Variants in DRC11 observed in about 807,000 individuals in gnomAD.
DRC11 encodes dynein regulatory complex subunit 11.
At chr2:236,381,962 G>C in the DRC11 span, among the ~76,000 whole-genome samples, 1 of 152,036 alleles carries the variant, frequency 6.6e-6, no homozygotes, top group Non-Finnish European at 1.5e-5. This position sits in a 1 kb window ranked among gnomAD's most constrained non-coding sequence, Gnocchi z 5.8. Context: ...CTTTCACAGA[G>C]CAATCATCTT....
chr2:236,341,800 C>T, the DRC11 span, among the ~76,000 whole-genome samples: 1 of 152,208 alleles, frequency 6.6e-6, no homozygotes, highest in African/African-American at 2.4e-5. Context: ...TGAATCCCAG[C>T]ATGACCCGAG....
chr2:236,338,659 G>A, the DRC11 span, among the ~76,000 whole-genome samples: 1 of 152,190 alleles, frequency 6.6e-6, no homozygotes, highest in Admixed American at 6.5e-5. Context: ...GGAATGGGAA[G>A]TGGTGGCTGA....
chr2:236,502,886 C>T, the DRC11 span, among the ~76,000 whole-genome samples: 8 of 151,882 alleles, frequency 5.3e-5, no homozygotes, highest in Non-Finnish European at 1.0e-4. Context: ...ACCCGGGAGG[C>T]GGAGGTTGCA....
chr2:236,429,618 G>T, the DRC11 span, among the ~76,000 whole-genome samples: 1 of 152,108 alleles, frequency 6.6e-6, no homozygotes, highest in South Asian at 2.1e-4. The surrounding 1 kb of genome is among the most constrained non-coding windows in gnomAD (Gnocchi z 5.9). Flanking sequence ...CATGCAGTAG[G>T]TGCTCTGGGT....
the DRC11 span, among the ~76,000 whole-genome samples, chr2:236,358,412 T>C: frequency 7.1e-6 from 1 of 139,958 alleles, no homozygotes; most frequent in Non-Finnish European, 1.5e-5. Context: ...TATAAATATA[T>C]ATGATATATG....
chr2:236,452,713 T>A, the DRC11 span, among the ~76,000 whole-genome samples: 2 of 152,368 alleles, frequency 1.3e-5, no homozygotes, highest in East Asian at 3.9e-4. This position sits in a 1 kb window ranked among gnomAD's most constrained non-coding sequence, Gnocchi z 4.7. Flanking sequence ...TATTCATTGA[T>A]GTTTCTACTT....
At chr2:236,330,655 T>C in the DRC11 span, among the ~76,000 whole-genome samples, 1 of 152,204 alleles carries the variant, frequency 6.6e-6, no homozygotes, top group Non-Finnish European at 1.5e-5. The surrounding 1 kb of genome is among the most constrained non-coding windows in gnomAD (Gnocchi z 5.5). Context: ...ACAGCCAATA[T>C]TGTGGTGGTC....
At chr2:236,366,373 G>C in the DRC11 span, among the ~76,000 whole-genome samples, 1 of 152,170 alleles carries the variant, frequency 6.6e-6, no homozygotes, top group Non-Finnish European at 1.5e-5. Context: ...TAAACAACTG[G>C]AGCCCCCAGA....
the DRC11 span, among the ~76,000 whole-genome samples, chr2:236,411,294 A>C: frequency 6.6e-6 from 1 of 152,068 alleles, no homozygotes; most frequent in African/African-American, 2.4e-5. Context: ...CACATGAAAA[A>C]ATGCTCAGCA....
At chr2:236,343,480 A>C in the DRC11 span, among the ~76,000 whole-genome samples, 1 of 152,236 alleles carries the variant, frequency 6.6e-6, no homozygotes, top group Non-Finnish European at 1.5e-5. The surrounding 1 kb of genome is among the most constrained non-coding windows in gnomAD (Gnocchi z 6.6). Flanking sequence ...ACACACAGCC[A>C]GCTGTGTGAA....
At chr2:236,355,125 T>G in the DRC11 span, among the ~76,000 whole-genome samples, 2 of 152,230 alleles carry the variant, frequency 1.3e-5, no homozygotes, top group African/African-American at 4.8e-5. Flanking sequence ...CTCCCAGGAC[T>G]GACACCGATG....
chr2:236,454,750 T>G, the DRC11 span: 2 of 152,376 alleles, frequency 1.3e-5, no homozygotes, highest in African/African-American at 4.8e-5. The surrounding 1 kb of genome is among the most constrained non-coding windows in gnomAD (Gnocchi z 5.3). Context: ...TTAGAAGTCC[T>G]CAGAGAGAAC....
At chr2:236,343,174 G>A in the DRC11 span, among the ~76,000 whole-genome samples, 3 of 152,120 alleles carry the variant, frequency 2.0e-5, no homozygotes, top group Admixed American at 1.3e-4. This position sits in a 1 kb window ranked among gnomAD's most constrained non-coding sequence, Gnocchi z 6.6. Flanking sequence ...CCCTTTATGC[G>A]AGGGTGTCTA....
At chr2:236,455,292 T>C in the DRC11 span, among the ~76,000 whole-genome samples, 4 of 152,254 alleles carry the variant, frequency 2.6e-5, no homozygotes, top group African/African-American at 9.6e-5. The surrounding 1 kb of genome is among the most constrained non-coding windows in gnomAD (Gnocchi z 5.7). Context: ...TCGCCTATTA[T>C]GAGCCATGAG....
At chr2:236,461,650 A>T in the DRC11 span, among the ~76,000 whole-genome samples, 1 of 152,204 alleles carries the variant, frequency 6.6e-6, no homozygotes, top group Non-Finnish European at 1.5e-5. The surrounding 1 kb of genome is among the most constrained non-coding windows in gnomAD (Gnocchi z 4.0). Flanking sequence ...TGGAGAAATG[A>T]CAGTGGCCCA....
chr2:236,341,615 G>A, the DRC11 span, among the ~76,000 whole-genome samples: 17 of 152,316 alleles, frequency 1.1e-4, no homozygotes, highest in South Asian at 3.5e-3. Context: ...CAGGTTTTGG[G>A]ATGATGTTTG....
chr2:236,364,419 A>G, the DRC11 span, among the ~76,000 whole-genome samples: 4 of 150,918 alleles, frequency 2.7e-5, no homozygotes, highest in East Asian at 1.9e-4. Context: ...ATTTCCTTGC[A>G]CCCCTCTTGC....
the DRC11 span, among the ~76,000 whole-genome samples, chr2:236,369,320 C>A: frequency 6.6e-6 from 1 of 152,190 alleles, no homozygotes; most frequent in African/African-American, 2.4e-5. This position sits in a 1 kb window ranked among gnomAD's most constrained non-coding sequence, Gnocchi z 4.5. Flanking sequence ...GGGCAGGGGG[C>A]AGCCTTTCAG....
chr2:236,359,872 G>C, the DRC11 span, among the ~76,000 whole-genome samples: 1 of 152,150 alleles, frequency 6.6e-6, no homozygotes, highest in East Asian at 1.9e-4. This position sits in a 1 kb window ranked among gnomAD's most constrained non-coding sequence, Gnocchi z 4.3. Flanking sequence ...CACAAGAAAG[G>C]TGAAGTTTAA....
Sources: allele counts gnomAD v4.1 joint callset (sites outside exome capture counted in the v4.1 genomes callset), GRCh38; gene constraint gnomAD v4.1.1; non-coding constraint Gnocchi (gnomAD v3.1); transcripts MANE v1.5; gene names NCBI Gene and HGNC (gene_info 2026-07-23, HGNC 2026-07-21).